The following ZNF592 variants were observed in gnomAD, a reference collection of about 807,000 sequenced individuals.
The protein encoded by ZNF592 is zinc finger protein 592.
A neutral mutation model predicts 80.3 loss-of-function variants in ZNF592; 11 were observed. The ratio of observed to expected loss-of-function variants is 0.14; its 90% CI spans 0.09 to 0.23. The LOEUF (loss-of-function observed/expected upper bound fraction) is 0.23. Ranked by LOEUF, ZNF592 falls within the 10% of genes least tolerant of loss-of-function variation. ZNF592 has a pLI of 1.00. For missense variants in ZNF592, 1,420 were observed against 1,633.9 expected, an observed-to-expected ratio of 0.87 and a Z score of 2.26; for synonymous variants, 646 against 640.3, an observed-to-expected ratio of 1.01 and a Z score of -0.13.
At position 84,783,285 on chromosome 15, in the gene ZNF592, G is replaced by A; in HGVS notation, c.610G>A (p.Glu204Lys). 1 of 1,614,204 alleles carries A rather than the reference G, an allele frequency of 6.2e-7. No homozygotes were observed. The highest frequency in any genetic ancestry group is 8.5e-7 in the Non-Finnish European group (1 of 1,180,040). The change falls in exon 4 of 11, where the codon GAA (glutamate) becomes AAA (lysine). Residue 204 changes from glutamate (E) to lysine (K), a missense_variant. Physicochemically the swap from Glu to Lys is moderately conservative, Grantham distance 56 (BLOSUM62 1). This residue lies in a region of ZNF592 where 373 missense variants were observed against 355.5 expected (regional missense o/e 1.05). Transcript: ENST00000560079. This position sits in a 1 kb window ranked among gnomAD's most constrained non-coding sequence, Gnocchi z 5.0. ...LHMFDHFCKK[E>K]PKPEPLPLGS... ...TATGTTTGATCATTTTTGTAAGAAAGAACCCAAGCCAGAACCCCTGCCCTT... is the reference window on the plus strand; with the variant it reads ...TATGTTTGATCATTTTTGTAAGAAAAAACCCAAGCCAGAACCCCTGCCCTT...
intron 10 of ZNF592, among the ~76,000 whole-genome samples, chr15:84,801,372 C>T (rs759093584): frequency 1.1e-4 from 17 of 152,074 alleles, no homozygotes; most frequent in Non-Finnish European, 1.9e-4. Context: ...TGGTGATGTT[C>T]ACTTGTAGTC....
rs1344980288 is a variant in ZNF592, at chr15:84,782,685, A to G, written c.10A>G (p.Met4Val). MGD[M>V]KTPDFDDLLA... Reference sequence around the variant, plus strand: ...TTGCCAGCATCCAGCCATGGGGGATATGAAAACCCCAGATTTTGATGACCT... The same window carrying G: ...TTGCCAGCATCCAGCCATGGGGGATGTGAAAACCCCAGATTTTGATGACCT... Residue 4 changes from methionine to valine, a missense_variant, in exon 4 of 11, where the codon ATG becomes GTG. Coordinates refer to ENST00000560079, the MANE Select transcript of ZNF592 (RefSeq NM_014630.3). 2.5e-6 allele frequency: 4 copies of G among 1,613,978 alleles called. No individual in the cohort carries two copies. Among genetic ancestry groups the G allele is most frequent in the East Asian group, 2.2e-5 (1 of 44,892 alleles).
chr15:84,759,412 T>C (rs1182089163), intron 1 of ZNF592, among the ~76,000 whole-genome samples: 2 of 152,094 alleles, frequency 1.3e-5, no homozygotes, highest in South Asian at 2.1e-4. Flanking sequence ...CCATGAAGTA[T>C]TCTGATCTTT....
At chr15:84,764,494 C>G (rs1202307830) in intron 1 of ZNF592, among the ~76,000 whole-genome samples, 1 of 152,100 alleles carries the variant, frequency 6.6e-6, no homozygotes, top group African/African-American at 2.4e-5. Flanking sequence ...GAAGCACCAG[C>G]CTGTAATAGA....
chr15:84,789,555 T>C (rs1439248696), intron 4 of ZNF592, among the ~76,000 whole-genome samples: 1 of 152,210 alleles, frequency 6.6e-6, no homozygotes, highest in African/African-American at 2.4e-5. Context: ...CCACCAACAG[T>C]GCCCAAGTGT....
At position 84,777,673 on chromosome 15, in the gene ZNF592, A is replaced by C. The variant is rs531450098; in HGVS notation, c.-149-510A>C. 2.0e-5 allele frequency among the ~76,000 whole-genome samples: 3 copies of C among 151,246 alleles called. No individual in the cohort carries two copies. The South Asian group carries it at 6.3e-4, about 32-fold the overall frequency. On this transcript the variant is annotated intron_variant, in intron 2 of 10. Coordinates refer to ENST00000560079, the MANE Select transcript of ZNF592 (RefSeq NM_014630.3). The stretch of plus-strand genomic sequence containing the variant: ...AAAATGAAGATAAACAAAAGAGAAA[A>C]TAATTTCGTCTGTTGAGATACTTTT...
Position 84,790,873 on chromosome 15 carries a change from G to A in ZNF592, c.2389G>A (p.Val797Met), listed in dbSNP as rs1962726562. 6.2e-7 allele frequency: 1 copy of A among 1,614,114 alleles called. No individual in the cohort carries two copies. The highest frequency in any genetic ancestry group is 1.7e-5 in the Admixed American group (1 of 60,004). The stretch of plus-strand genomic sequence containing the variant: ...GAATTGCCTGCACTATGCCCGCAAG[G>A]TGGGCTACAGGTGGGTGCTGCCTGG... The part of the protein sequence containing the change: ...KENCLHYARK[V>M]GYRCIHCGVV... Residue 797 changes from valine (V) to methionine (M), a missense_variant, in exon 5 of 11, where the codon GTG becomes ATG. By Grantham distance (21) the Val-to-Met change is conservative (BLOSUM62 1). Transcript: ENST00000560079.
In ZNF592 at chr15:84,802,210, G is replaced by A. The variant is rs770186290; in HGVS notation, c.3621G>A (p.Glu1207=). Residue 1207 remains glutamate (E), a synonymous_variant, in exon 11 of 11, where the codon GAG becomes GAA. Coordinates refer to ENST00000560079, the MANE Select transcript of ZNF592 (RefSeq NM_014630.3). ...CAGAGCCAGAGGAGGGCTCCGGGGA[G>A]GAGGTGCCCATGGAGACTAGAGAGA... is the stretch of plus-strand genomic sequence containing the variant. ...EVAEPEEGSG[E]EVPMETRENG... 5.6e-6 allele frequency: 9 copies of A among 1,600,236 alleles called. No homozygotes were observed. In the East Asian group the frequency reaches 2.0e-4, roughly 36 times the overall value.
chr15:84,778,799 G>A (rs1343660681), intron 3 of ZNF592, among the ~76,000 whole-genome samples: 1 of 152,184 alleles, frequency 6.6e-6, no homozygotes, highest in Admixed American at 6.5e-5. Flanking sequence ...GCTCTTCCTG[G>A]GGTTGATCTA....
chr15:84,775,889 CAA>C (rs1182025851), intron 2 of ZNF592, among the ~76,000 whole-genome samples: 1 of 152,166 alleles, frequency 6.6e-6, no homozygotes, highest in Non-Finnish European at 1.5e-5. Context: ...CTGTAATAAA[CAA>C]TATGAATTTA....
chr15:84,768,000 T>C (rs1459987404), intron 2 of ZNF592, among the ~76,000 whole-genome samples: 1 of 151,610 alleles, frequency 6.6e-6, no homozygotes, highest in Non-Finnish European at 1.5e-5. Flanking sequence ...CCTCAGCCTT[T>C]TGAGTAGCTG....
chr15:84,794,554 C>A (rs1962840568), intron 5 of ZNF592, among the ~76,000 whole-genome samples: 1 of 152,020 alleles, frequency 6.6e-6, no homozygotes, highest in Non-Finnish European at 1.5e-5. Context: ...CAGCTCACTG[C>A]AACCTCCGCC....
At chr15:84,788,166 C>T (rs1596127467) in intron 4 of ZNF592, among the ~76,000 whole-genome samples, 1 of 152,296 alleles carries the variant, frequency 6.6e-6, no homozygotes, top group Middle Eastern at 3.4e-3. Flanking sequence ...CTTCCTGTTT[C>T]ATAACTTAAG....
At chr15:84,780,025 T>G (rs1962376544) in intron 3 of ZNF592, among the ~76,000 whole-genome samples, 1 of 150,920 alleles carries the variant, frequency 6.6e-6, no homozygotes, top group Non-Finnish European at 1.5e-5. Context: ...CTTGGTCTAT[T>G]GCCCAGGCTG....
In ZNF592 at chr15:84,798,349, A is replaced by C; in HGVS notation, c.2611A>C (p.Asn871His). Residue 871 changes from asparagine (N) to histidine (H), a missense_variant, in exon 7 of 11, where the codon AAC becomes CAC. Physicochemically the swap from Asn to His is moderately conservative, Grantham distance 68 (BLOSUM62 1). Transcript: ENST00000560079. This position sits in a 1 kb window ranked among gnomAD's most constrained non-coding sequence, Gnocchi z 4.5. ...IYKCSCEMVF[N>H]KKRHIQQHFY... ...TAAGTGCTCCTGTGAAATGGTCTTC[A>C]ACAAGAAGAGGCACATTCAGCAGCA... 6.2e-7 allele frequency: 1 copy of C among 1,614,228 alleles called. No homozygotes were observed. The highest frequency in any genetic ancestry group is 8.5e-7 in the Non-Finnish European group (1 of 1,180,048).
At chr15:84,796,692 C>G (rs2141520864) in intron 5 of ZNF592, among the ~76,000 whole-genome samples, 1 of 150,932 alleles carries the variant, frequency 6.6e-6, no homozygotes, top group South Asian at 2.1e-4. Flanking sequence ...AATTGTTTAT[C>G]TTATTTATGC....
rs1381087799 is a variant in ZNF592 at position 84,782,810 on chromosome 15, C to T, written c.135C>T (p.Gly45=). 4 of 1,614,138 alleles carry T rather than the reference C, an allele frequency of 2.5e-6. No homozygotes were observed. The highest frequency in any genetic ancestry group is 3.4e-6 in the Non-Finnish European group (4 of 1,180,040). The change falls in exon 4 of 11, where the codon GGC becomes GGT. Residue 45 remains glycine, a synonymous_variant. Transcript: ENST00000560079. ...EENESPLKPP[G]ICMDESVSLS... is the part of the protein sequence containing the mutation. ...ATGAGAGTCCCCTCAAACCTCCAGG[C>T]ATATGTATGGATGAAAGTGTGTCCT...
At position 84,798,350 on chromosome 15, in the gene ZNF592, A is replaced by G. The variant is rs774768010; in HGVS notation, c.2612A>G (p.Asn871Ser). Residue 871 changes from asparagine (N) to serine (S), a missense_variant, in exon 7 of 11, where the codon AAC becomes AGC. Physicochemically the swap from Asn to Ser is conservative, Grantham distance 46. Coordinates refer to ENST00000560079, the MANE Select transcript of ZNF592 (RefSeq NM_014630.3). This position sits in a 1 kb window ranked among gnomAD's most constrained non-coding sequence, Gnocchi z 4.5. ...IYKCSCEMVF[N>S]KKRHIQQHFY... Reference sequence around the variant, plus strand: ...AAGTGCTCCTGTGAAATGGTCTTCAACAAGAAGAGGCACATTCAGCAGCAT... The same window carrying G: ...AAGTGCTCCTGTGAAATGGTCTTCAGCAAGAAGAGGCACATTCAGCAGCAT... 3 of 1,614,106 alleles carry G rather than the reference A, an allele frequency of 1.9e-6. No individual in the cohort carries two copies. The highest frequency in any genetic ancestry group is 2.7e-5 in the African/African-American group (2 of 74,920).
At chr15:84,750,667 A>G (rs28587079) in intron 1 of ZNF592, among the ~76,000 whole-genome samples, 1 of 152,128 alleles carries the variant, frequency 6.6e-6, no homozygotes, top group African/African-American at 2.4e-5. Flanking sequence ...AGAAAGCTGA[A>G]GAGAGGGGTA....
Sources: gnomAD v4.1 joint callset for allele counts (sites outside exome capture counted in the v4.1 genomes callset) on GRCh38, gnomAD v4.1.1 for gene constraint, gnomAD v4.1.1 regional missense constraint, Gnocchi (gnomAD v3.1) non-coding constraint, MANE v1.5 for transcripts, NCBI Gene and HGNC (gene_info 2026-07-23, HGNC 2026-07-21) for gene names.